FHIT: variants seen among roughly 807,000 people sequenced by gnomAD.
The protein encoded by FHIT is fragile histidine triad diadenosine triphosphatase, also known as bis(5'-adenosyl)-triphosphatase.
FHIT carries 19 observed loss-of-function variants against 17.9 expected under a neutral mutation model. The ratio of observed to expected loss-of-function variants is 1.06; its 90% CI spans 0.74 to 1.56. The LOEUF (loss-of-function observed/expected upper bound fraction) is 1.56. Ranked by LOEUF, FHIT falls within the 40% of genes most tolerant of loss-of-function variation. FHIT has a pLI of 0.00. For missense variants in FHIT, 248 were observed against 189.2 expected (o/e 1.31, Z -1.82); for synonymous variants, 81 against 69.7 (o/e 1.16, Z -0.81).
intron 2 of FHIT, among the ~76,000 whole-genome samples, chr3:61,182,430 A>G (rs1286636625): frequency 6.6e-6 from 1 of 152,196 alleles, no homozygotes; most frequent in Non-Finnish European, 1.5e-5. Flanking sequence ...CTTTTTGAAG[A>G]AGACAATTTT....
chr3:60,410,475 G>T (rs1388995532), intron 5 of FHIT, among the ~76,000 whole-genome samples: 1 of 152,106 alleles, frequency 6.6e-6, no homozygotes, highest in Non-Finnish European at 1.5e-5. Flanking sequence ...GTGGATAAAA[G>T]AATTGTAATA....
At chr3:60,494,376 T>C (rs1398737513) in intron 5 of FHIT, among the ~76,000 whole-genome samples, 1 of 152,200 alleles carries the variant, frequency 6.6e-6, no homozygotes, top group Non-Finnish European at 1.5e-5. Flanking sequence ...ATGGGGTACA[T>C]GACATGTTTT....
At chr3:60,105,023 G>T (rs965688166) in intron 5 of FHIT, among the ~76,000 whole-genome samples, 1 of 152,148 alleles carries the variant, frequency 6.6e-6, no homozygotes, top group Non-Finnish European at 1.5e-5. Flanking sequence ...CATAATTTGT[G>T]TGCTTCAACC....
chr3:61,057,039 G>A (rs184762596), intron 2 of FHIT, among the ~76,000 whole-genome samples: 1 of 152,314 alleles, frequency 6.6e-6, no homozygotes, highest in African/African-American at 2.4e-5. Flanking sequence ...AAGTGTTAGG[G>A]AAATTGAGTC....
chr3:60,025,020 A>G lies in FHIT; in HGVS notation c.104-10868T>C, dbSNP rs6792533. Among the ~76,000 whole-genome samples, 1,400 of 152,314 alleles carry G rather than the reference A, an allele frequency of 9.2e-3. 29 individuals carry two copies. The highest frequency in any genetic ancestry group is 0.032 in the African/African-American group (1,330 of 41,568). ...AGAATTTGAGATGTATGTTTGAGGT[A>G]GGAGCAACAAGACTTAACTAATGGG... On this transcript the variant is annotated intron_variant, in intron 5 of 9. Transcript: ENST00000492590.
intron 5 of FHIT, among the ~76,000 whole-genome samples, chr3:60,200,589 T>A (rs1253409514): frequency 6.6e-6 from 1 of 152,028 alleles, no homozygotes; most frequent in Non-Finnish European, 1.5e-5. Flanking sequence ...AGGGCATCCA[T>A]GCTTTGAACT....
intron 5 of FHIT, among the ~76,000 whole-genome samples, chr3:60,523,566 A>T (rs73837445): frequency 3.9e-5 from 6 of 152,330 alleles, no homozygotes; most frequent in African/African-American, 1.4e-4. Flanking sequence ...CCAAGATGAT[A>T]AAGCCATAAA....
At chr3:61,047,459 C>T (rs2033847703) in intron 2 of FHIT, among the ~76,000 whole-genome samples, 2 of 152,124 alleles carry the variant, frequency 1.3e-5, no homozygotes, top group East Asian at 1.9e-4. Flanking sequence ...GAACTACAAA[C>T]CACTGCTCAA....
intron 1 of FHIT, among the ~76,000 whole-genome samples, chr3:61,231,408 C>G (rs1440079907): frequency 6.6e-6 from 1 of 151,800 alleles, no homozygotes; most frequent in Non-Finnish European, 1.5e-5. Context: ...GTGAAAGGAC[C>G]TCTTGAGTCC....
At chr3:60,205,425 G>C (rs1477219235) in intron 5 of FHIT, among the ~76,000 whole-genome samples, 1 of 152,122 alleles carries the variant, frequency 6.6e-6, no homozygotes, top group African/African-American at 2.4e-5. Context: ...CTGCATCTTG[G>C]CACAAGTATA....
At chr3:60,524,251 T>C (rs1269925117) in intron 5 of FHIT, among the ~76,000 whole-genome samples, 2 of 143,978 alleles carry the variant, frequency 1.4e-5, no homozygotes, top group African/African-American at 5.2e-5. Flanking sequence ...CACACACAAA[T>C]AAATTATATA....
intron 1 of FHIT, among the ~76,000 whole-genome samples, chr3:61,231,492 C>T (rs751911732): frequency 3.0e-5 from 4 of 134,784 alleles, no homozygotes; most frequent in African/African-American, 5.5e-5. Context: ...CGGTCTCTTA[C>T]GGAAAAAAAA....
intron 5 of FHIT, among the ~76,000 whole-genome samples, chr3:60,472,060 A>C (rs2033113935): frequency 6.6e-6 from 1 of 152,068 alleles, no homozygotes; most frequent in Non-Finnish European, 1.5e-5. Context: ...AATGTTCACT[A>C]TTCAAGTGAT....
chr3:61,226,969 T>C (rs1489246620), intron 1 of FHIT, among the ~76,000 whole-genome samples: 2 of 152,072 alleles, frequency 1.3e-5, no homozygotes, highest in East Asian at 1.9e-4. Flanking sequence ...TTGAGATTAA[T>C]GTAATGAAGC....
chr3:61,006,151 T>A (rs2031432303), intron 3 of FHIT, among the ~76,000 whole-genome samples: 1 of 152,146 alleles, frequency 6.6e-6, no homozygotes, highest in African/African-American at 2.4e-5. Context: ...CAAAGAGAAC[T>A]TGTAAAACAG....
chr3:60,811,000 GTGGCCT>G (rs1701555429), intron 4 of FHIT, among the ~76,000 whole-genome samples: 3 of 152,158 alleles, frequency 2.0e-5, no homozygotes, highest in Admixed American at 2.0e-4. Context: ...ATACTTCTCT[GTGGCCT>G]TGGTCAAATT....
intron 5 of FHIT, among the ~76,000 whole-genome samples, chr3:60,261,773 C>T (rs1706316420): frequency 7.7e-6 from 1 of 130,216 alleles, no homozygotes; most frequent in East Asian, 1.9e-4. Context: ...TCCTGCCCTT[C>T]TCCTCTGAAG....
intron 3 of FHIT, among the ~76,000 whole-genome samples, chr3:60,909,099 G>A (rs575600998): frequency 2.6e-5 from 4 of 152,186 alleles, no homozygotes; most frequent in South Asian, 2.1e-4. Context: ...GGCAGGGAGC[G>A]GCGGCTCACA....
chr3:60,539,944 AATATAT>A (rs911093759), intron 4 of FHIT, among the ~76,000 whole-genome samples: 2 of 150,020 alleles, frequency 1.3e-5, no homozygotes, highest in Non-Finnish European at 3.0e-5. Context: ...GTATAATAAA[AATATAT>A]ATATATAAAT....
Sources: gnomAD v4.1 joint callset for allele counts (sites outside exome capture counted in the v4.1 genomes callset) on GRCh38, gnomAD v4.1.1 for gene constraint, MANE v1.5 for transcripts, NCBI Gene and HGNC (gene_info 2026-07-23, HGNC 2026-07-21) for gene names.